MACROD2: variants seen among roughly 807,000 people sequenced by gnomAD.
MACROD2 encodes the protein ADP-ribose glycohydrolase MACROD2.
Under a neutral mutation model 70.4 loss-of-function variants are expected in MACROD2, and 36 were observed. The observed-to-expected ratio is 0.51, with a 90% CI of 0.39 to 0.68. The LOEUF (loss-of-function observed/expected upper bound fraction) is 0.68. Ranked by LOEUF, MACROD2 falls within the 30% of genes least tolerant of loss-of-function variation. The pLI is 0.00. For missense variants in MACROD2, 496 were observed against 538.4 expected (o/e 0.92, Z 0.78); for synonymous variants, 172 against 178.8 (o/e 0.96, Z 0.30).
chr20:15,369,726 A>C (rs2045464713), intron 6 of MACROD2, among the ~76,000 whole-genome samples: 1 of 152,172 alleles, frequency 6.6e-6, no homozygotes, highest in Admixed American at 6.5e-5. Flanking sequence ...AGAGGAGGAA[A>C]GCCTACAGCG....
At chr20:14,954,715 T>C (rs1568895099) in intron 5 of MACROD2, among the ~76,000 whole-genome samples, 1 of 21,886 alleles carries the variant, frequency 4.6e-5, no homozygotes, top group African/African-American at 1.1e-4. Flanking sequence ...ATTATAAATA[T>C]ATAAATGTAT....
Position 15,453,004 on chromosome 20 carries a change from A to C in MACROD2, c.571+21569A>C, listed in dbSNP as rs149915700. 5.1e-3 allele frequency among the ~76,000 whole-genome samples: 777 copies of C among 152,260 alleles called. 7 individuals carry two copies. The highest frequency in any genetic ancestry group is 0.017 in the African/African-American group (726 of 41,562). ...AATAATGGAGAGGATTTGAGGTCCA[A>C]ATTAAAGCAATGTATTTCCCAGAAC... On this transcript the variant is annotated intron_variant, in intron 7 of 17. Transcript: ENST00000684519.
chr20:14,501,751 A>G (rs1165003040), intron 4 of MACROD2, among the ~76,000 whole-genome samples: 1 of 152,210 alleles, frequency 6.6e-6, no homozygotes, highest in Non-Finnish European at 1.5e-5. Context: ...AAATAAAAAT[A>G]ATGGAAGCCC....
At chr20:15,024,163 G>A (rs2075211774) in intron 5 of MACROD2, among the ~76,000 whole-genome samples, 1 of 152,104 alleles carries the variant, frequency 6.6e-6, no homozygotes, top group Non-Finnish European at 1.5e-5. Flanking sequence ...CAAAGAGCAG[G>A]AACTCTGTAG....
intron 5 of MACROD2, among the ~76,000 whole-genome samples, chr20:14,712,155 T>C (rs1333752977): frequency 6.6e-6 from 1 of 152,122 alleles, no homozygotes; most frequent in Non-Finnish European, 1.5e-5. Context: ...GTCACACAAA[T>C]CAGTTAAAAA....
At chr20:15,521,249 C>T (rs376955056) in intron 8 of MACROD2, among the ~76,000 whole-genome samples, 15 of 152,012 alleles carry the variant, frequency 9.9e-5, no homozygotes, top group East Asian at 3.9e-4. Context: ...TTTCGGTTTG[C>T]CTTCTCGTTT....
intron 6 of MACROD2, among the ~76,000 whole-genome samples, chr20:15,307,399 C>A (rs1326148014): frequency 6.6e-6 from 1 of 152,144 alleles, no homozygotes; most frequent in Non-Finnish European, 1.5e-5. Context: ...AAAAATAGTG[C>A]AAATAATTCC....
At chr20:14,362,098 A>G (rs564775998) in intron 3 of MACROD2, among the ~76,000 whole-genome samples, 17 of 152,342 alleles carry the variant, frequency 1.1e-4, no homozygotes, top group African/African-American at 4.1e-4. Context: ...ATCCCTTCCC[A>G]TAAGACAAAG....
chr20:15,271,946 T>C (rs1404944284), intron 6 of MACROD2, among the ~76,000 whole-genome samples: 1 of 152,226 alleles, frequency 6.6e-6, no homozygotes, highest in African/African-American at 2.4e-5. Context: ...AGCTGGGATC[T>C]CTTCCCACTT....
chr20:14,943,157 G>C (rs1224546114), intron 5 of MACROD2, among the ~76,000 whole-genome samples: 1 of 152,182 alleles, frequency 6.6e-6, no homozygotes, highest in African/African-American at 2.4e-5. Flanking sequence ...GACTTGAATT[G>C]AAAGACTTTG....
chr20:14,593,688 A>G (rs1981930649), intron 4 of MACROD2, among the ~76,000 whole-genome samples: 1 of 152,180 alleles, frequency 6.6e-6, no homozygotes, highest in Non-Finnish European at 1.5e-5. Context: ...TAATTCAACT[A>G]AATGCCAAGC....
chr20:15,799,287 T>G (rs2063702596), intron 8 of MACROD2, among the ~76,000 whole-genome samples: 2 of 152,250 alleles, frequency 1.3e-5, no homozygotes. Context: ...ATCATTTATT[T>G]GTGTTGGGAA....
chr20:14,172,078 C>T (rs909922006), intron 3 of MACROD2, among the ~76,000 whole-genome samples: 1 of 152,074 alleles, frequency 6.6e-6, no homozygotes, highest in Non-Finnish European at 1.5e-5. Flanking sequence ...GTTCTTTTAT[C>T]ATTATATAAT....
At chr20:15,410,568 C>CATAG (rs1220667426) in intron 6 of MACROD2, among the ~76,000 whole-genome samples, 4 of 152,140 alleles carry the variant, frequency 2.6e-5, no homozygotes, top group Admixed American at 6.5e-5. Flanking sequence ...GGCGACAATA[C>CATAG]ATAGAGGTGA....
At chr20:14,050,011 GA>G (rs1388064638) in intron 2 of MACROD2, among the ~76,000 whole-genome samples, 3 of 151,034 alleles carry the variant, frequency 2.0e-5, no homozygotes, top group Non-Finnish European at 4.4e-5. Context: ...TTCAACCCGG[GA>G]GGCACGGAGG....
chr20:15,864,031 G>C (rs1558384), intron 9 of MACROD2, among the ~76,000 whole-genome samples: 142,128 of 152,248 alleles, frequency 0.93, 66,818 homozygotes, highest in East Asian at 1. Context: ...TGATAAAGAA[G>C]AGGACTGTGG....
At chr20:14,187,054 C>T (rs557623357) in intron 3 of MACROD2, among the ~76,000 whole-genome samples, 7 of 150,244 alleles carry the variant, frequency 4.7e-5, no homozygotes, top group South Asian at 2.1e-4. Flanking sequence ...GCCTCAGCAG[C>T]GTACAATTTA....
At chr20:15,218,727 A>T (rs2076832129) in intron 5 of MACROD2, among the ~76,000 whole-genome samples, 1 of 152,214 alleles carries the variant, frequency 6.6e-6, no homozygotes, top group African/African-American at 2.4e-5. Flanking sequence ...AGGAAAAAGC[A>T]ATTACTCCGG....
At chr20:15,940,962 A>G (rs1226773385) in intron 12 of MACROD2, among the ~76,000 whole-genome samples, 2 of 152,276 alleles carry the variant, frequency 1.3e-5, no homozygotes, top group East Asian at 1.9e-4. Context: ...GGATAATTTA[A>G]TTTGAATGTG....
Sources: gnomAD v4.1 joint callset for allele counts (sites outside exome capture counted in the v4.1 genomes callset) on GRCh38, gnomAD v4.1.1 for gene constraint, MANE v1.5 for transcripts, NCBI Gene and HGNC (gene_info 2026-07-23, HGNC 2026-07-21) for gene names.